ANK3: variants seen among roughly 807,000 people sequenced by gnomAD.
The protein encoded by ANK3 is ankyrin-3.
A neutral mutation model predicts 370.9 loss-of-function variants in ANK3; 57 were observed. The ratio of observed to expected loss-of-function variants is 0.15; its 90% CI spans 0.12 to 0.19. ANK3 has a LOEUF of 0.19. ANK3 is among the 10% of genes least tolerant of loss of function. The pLI is 1.00. For synonymous variants in ANK3, 1,929 were observed against 1,946.3 expected, an observed-to-expected ratio of 0.99 and a Z score of 0.23; for missense variants, 4,439 against 5,302.1, an observed-to-expected ratio of 0.84 and a Z score of 5.06.
chr10:60,042,933 TCAAG>T (rs1313491246), intron 42 of ANK3, 174 bp from the exon 43 acceptor site: 11 of 1,411,862 alleles, frequency 7.8e-6, no homozygotes, highest in Non-Finnish European at 1.0e-5. Flanking sequence ...TTTAGCATCA[TCAAG>T]CAAGCTAGAG....
intron 8 of ANK3, among the ~76,000 whole-genome samples, chr10:60,226,878 C>T (rs2132510359): frequency 6.6e-6 from 1 of 150,706 alleles, no homozygotes. Flanking sequence ...TTTATTTCTA[C>T]ATACTATTAC....
At chr10:60,540,639 C>T in intron 2 of ANK3, among the ~76,000 whole-genome samples, 1 of 151,844 alleles carries the variant, frequency 6.6e-6, no homozygotes, top group Middle Eastern at 3.2e-3. Context: ...GATTAAGAGA[C>T]ACCATGGTGA....
Position 60,070,946 on chromosome 10 carries a change from G to A in ANK3, c.9935C>T (p.Ala3312Val), listed in dbSNP as rs201625904. Residue 3312 changes from alanine to valine, a missense_variant, in exon 37 of 44, where the codon GCA (alanine) becomes GTA (valine). This residue lies in a region of ANK3 where 1,601 missense variants were observed against 1,731.7 expected (regional missense o/e 0.92). Transcript: ENST00000280772. The surrounding 1 kb of genome is among the most constrained non-coding windows in gnomAD (Gnocchi z 5.7). ...GTCATCGCTTGAATCACTGACGTCT[G>A]CCCCGGGAGGAACTGGTGAAGGTGG... is the stretch of plus-strand genomic sequence containing the variant. ...VQPPSPVPPGADVSDSSDDES... is the reference protein window; with the variant it reads ...VQPPSPVPPGVDVSDSSDDES... The A allele has an allele frequency of 4.9e-4, 796 of 1,613,984 alleles. 4 individuals are homozygous for A. The highest frequency in any genetic ancestry group is 5.1e-4 in the Non-Finnish European group (597 of 1,180,000).
rs200587851 is a variant in ANK3, at chr10:60,034,088, T to TG, written c.*20-4263_*20-4262insC. On this transcript the variant is annotated intron_variant, in intron 43 of 43. Coordinates refer to ENST00000280772, the MANE Select transcript of ANK3 (RefSeq NM_020987.5). ...GTCTGAAATTCTGTTTTTGTTTTTT[T>TG]TTTTGTTTTGTTTTTTGGTTTTTTT... 1.5e-3 allele frequency among the ~76,000 whole-genome samples: 224 copies of TG among 150,452 alleles called. 2 individuals carry two copies. Among genetic ancestry groups the TG allele is most frequent in the East Asian group, 7.4e-3 (38 of 5,170 alleles).
chr10:60,060,408 C>T (rs949215318), intron 40 of ANK3: 2 of 153,630 alleles, frequency 1.3e-5, no homozygotes, highest in African/African-American at 2.4e-5. Context: ...CTGTGGTGGA[C>T]TGAATACAGC....
chr10:60,536,718 C>G lies in ANK3; in HGVS notation c.96+78468G>C, dbSNP rs183049189. On this transcript the variant is annotated intron_variant, in intron 2 of 43. Coordinates refer to the ANK3 transcript ENST00000373827. ...AAGCAAGATGCATCCACCCAGTTAA[C>G]TGTGGTTCGATGGGTGACAAAGCTT... is the stretch of plus-strand genomic sequence containing the variant. Among the ~76,000 whole-genome samples the G allele has an allele frequency of 7.1e-4, 108 of 152,108 alleles. 1 individual carries two copies. Among genetic ancestry groups the G allele is most frequent in the South Asian group, 1.5e-3 (7 of 4,824 alleles).
chr10:60,709,611 G>T (rs1042438893), intron 1 of ANK3, among the ~76,000 whole-genome samples: 1 of 152,010 alleles, frequency 6.6e-6, no homozygotes, highest in Non-Finnish European at 1.5e-5. Context: ...GATCCCTTGA[G>T]CCCAAGCGTT....
chr10:60,119,111 C>T (rs1395974057), intron 25 of ANK3, among the ~76,000 whole-genome samples: 1 of 152,110 alleles, frequency 6.6e-6, no homozygotes, highest in African/African-American at 2.4e-5. Flanking sequence ...TTTTTAGGTA[C>T]CTTAGTGCTT....
Position 60,064,190 on chromosome 10 carries a change from T to G in ANK3, c.12418A>C (p.Lys4140Gln), listed in dbSNP as rs2081180791. ...LISQSFMLLK[K>Q]WVTRDGKNAT... ...TTTTTTCCGTCTCTGGTAACCCATT[T>G]TTTTAATAACATGAAGCTCTGAGAA... Residue 4140 changes from lysine (K) to glutamine (Q), a missense_variant, in exon 39 of 44, where the codon AAA (lysine) becomes CAA (glutamine). Coordinates refer to ENST00000280772, the MANE Select transcript of ANK3 (RefSeq NM_020987.5). The G allele has an allele frequency of 6.4e-7, 1 of 1,573,794 alleles. No homozygotes were observed. Among genetic ancestry groups the G allele is most frequent in the Admixed American group, 2.1e-5 (1 of 47,192 alleles).
Position 60,478,535 on chromosome 10 carries a change from C to T in ANK3, c.96+136651G>A, listed in dbSNP as rs573917349. On this transcript the variant is annotated intron_variant, in intron 2 of 43. Coordinates refer to the ANK3 transcript ENST00000373827. ...ATGGTTATTCTTTCAAGAGTGGGTA[C>T]AGATCATTAATATAAGCCAATTATT... 7.2e-5 allele frequency among the ~76,000 whole-genome samples: 11 copies of T among 152,096 alleles called. No individual in the cohort carries two copies. In the South Asian group the frequency reaches 1.7e-3, roughly 23 times the overall value.
chr10:60,320,336 C>T (rs1593669136), intron 1 of ANK3, among the ~76,000 whole-genome samples: 1 of 152,130 alleles, frequency 6.6e-6, no homozygotes, highest in Non-Finnish European at 1.5e-5. Context: ...GCTCATGCCT[C>T]TAATCCCAGC....
At chr10:60,485,805 T>A (rs2075332937) in intron 2 of ANK3, among the ~76,000 whole-genome samples, 1 of 152,202 alleles carries the variant, frequency 6.6e-6, no homozygotes, top group Non-Finnish European at 1.5e-5. Context: ...AATGTCAGCA[T>A]GATGGGCACA....
At chr10:60,066,330 T>G (rs1193956997) in intron 38 of ANK3, among the ~76,000 whole-genome samples, 1 of 152,184 alleles carries the variant, frequency 6.6e-6, no homozygotes, top group Non-Finnish European at 1.5e-5. Context: ...AGGAAAATAA[T>G]CTAACAGTTC....
chr10:60,110,815 C>T (rs553693491), intron 26 of ANK3, among the ~76,000 whole-genome samples: 12 of 152,258 alleles, frequency 7.9e-5, no homozygotes, highest in East Asian at 1.9e-4. Context: ...GGATTTAAAA[C>T]GATTCACGAC....
At chr10:60,528,777 T>C (rs1178516643) in intron 2 of ANK3, among the ~76,000 whole-genome samples, 1 of 152,068 alleles carries the variant, frequency 6.6e-6, no homozygotes, top group African/African-American at 2.4e-5. Context: ...CCCCAACCAC[T>C]GCAGCAACCC....
At chr10:60,209,597 G>A (rs2096820675) in intron 9 of ANK3, among the ~76,000 whole-genome samples, 1 of 152,142 alleles carries the variant, frequency 6.6e-6, no homozygotes, top group Admixed American at 6.6e-5. Flanking sequence ...AGCCCATCAG[G>A]ATATTTCTGC....
At chr10:60,561,267 T>C (rs1385276392) in intron 2 of ANK3, among the ~76,000 whole-genome samples, 2 of 152,226 alleles carry the variant, frequency 1.3e-5, no homozygotes, top group Non-Finnish European at 1.5e-5. Context: ...ATAAGCTTCA[T>C]TGATATCATT....
chr10:60,128,405 G>A (rs979951931), intron 25 of ANK3, among the ~76,000 whole-genome samples: 1 of 150,378 alleles, frequency 6.6e-6, no homozygotes, highest in East Asian at 1.9e-4. Flanking sequence ...TTTGAGATAG[G>A]GTCTCACTAT....
intron 2 of ANK3, among the ~76,000 whole-genome samples, chr10:60,463,355 G>A (rs374500585): frequency 8.6e-5 from 13 of 151,996 alleles, no homozygotes; most frequent in African/African-American, 2.7e-4. Flanking sequence ...TATATTTTCC[G>A]TCTGCCTAGA....
Sources: gnomAD v4.1 joint callset for allele counts (sites outside exome capture counted in the v4.1 genomes callset) on GRCh38, gnomAD v4.1.1 for gene constraint, gnomAD v4.1.1 regional missense constraint, Gnocchi (gnomAD v3.1) non-coding constraint, MANE v1.5 for transcripts, NCBI Gene and HGNC (gene_info 2026-07-23, HGNC 2026-07-21) for gene names.